Variants in DTNA observed in about 807,000 individuals in gnomAD.
DTNA encodes dystrobrevin alpha, also known as dystrophin-related protein 3.
In DTNA, 43 loss-of-function variants were observed where a neutral mutation model predicts 100.7. That is an observed-to-expected ratio of 0.43 (90% CI 0.33 to 0.55). The LOEUF (loss-of-function observed/expected upper bound fraction) is 0.55. Ranked by LOEUF, DTNA falls within the 20% of genes least tolerant of loss-of-function variation. The pLI is 0.04. For synonymous variants in DTNA, 349 were observed against 347.9 expected (o/e 1.00, Z -0.04); for missense variants, 798 against 953.9 (o/e 0.84, Z 2.15).
intron 21 of DTNA, among the ~76,000 whole-genome samples, chr18:34,882,743 A>C (rs138151191): frequency 3.3e-5 from 5 of 152,338 alleles, no homozygotes; most frequent in African/African-American, 1.2e-4. Flanking sequence ...ATATTGGAAA[A>C]AAACAAGGTA....
chr18:34,877,843 T>C (rs779132108), intron 19 of DTNA, 35 bp downstream of exon 19: 2 of 1,567,630 alleles, frequency 1.3e-6, no homozygotes, highest in South Asian at 2.2e-5. Context: ...TGTCTGCTCA[T>C]CATGGAGGGA....
At chr18:34,887,143 G>C (rs1200737053) in intron 22 of DTNA, among the ~76,000 whole-genome samples, 1 of 152,018 alleles carries the variant, frequency 6.6e-6, no homozygotes, top group Non-Finnish European at 1.5e-5. Context: ...AGAGCTTTAG[G>C]CTTATTTGAA....
At chr18:34,706,194 C>T (rs549938532), upstream of DTNA, among the ~76,000 whole-genome samples, 6 of 152,260 alleles carry the variant, frequency 3.9e-5, no homozygotes, top group East Asian at 5.8e-4. Context: ...GTGATCCACT[C>T]GCCTCGGCCT....
chr18:34,848,607 G>T (rs1311444185), intron 14 of DTNA, among the ~76,000 whole-genome samples: 1 of 152,102 alleles, frequency 6.6e-6, no homozygotes, highest in East Asian at 1.9e-4. Flanking sequence ...TGACCCTGGA[G>T]TCAAGCTGGA....
chr18:34,545,707 A>G (rs1365440854), intron 1 of DTNA, among the ~76,000 whole-genome samples: 3 of 152,106 alleles, frequency 2.0e-5, no homozygotes, highest in Non-Finnish European at 2.9e-5. Context: ...TCTTCTGCCC[A>G]ACTCTAAGAT....
At chr18:34,610,260 C>G (rs1233357865) in intron 1 of DTNA, among the ~76,000 whole-genome samples, 1 of 152,116 alleles carries the variant, frequency 6.6e-6, no homozygotes, top group Non-Finnish European at 1.5e-5. Flanking sequence ...ACCTGTGAGG[C>G]TGTGTTTATG....
chr18:34,500,024 T>C (rs533687546), intron 1 of DTNA, among the ~76,000 whole-genome samples: 6 of 152,294 alleles, frequency 3.9e-5, no homozygotes, highest in African/African-American at 1.4e-4. Context: ...TTCAAAATTG[T>C]TTTAGCTATT....
intron 1 of DTNA, among the ~76,000 whole-genome samples, chr18:34,607,640 ATGTT>A (rs1180892602): frequency 6.6e-6 from 1 of 152,162 alleles, no homozygotes; most frequent in Non-Finnish European, 1.5e-5. Flanking sequence ...ATGGGAGAAA[ATGTT>A]TGTTACTGTT....
At chr18:34,633,138 A>G (rs1322290156) in intron 1 of DTNA, among the ~76,000 whole-genome samples, 1 of 152,192 alleles carries the variant, frequency 6.6e-6, no homozygotes. Context: ...CTATTCTGAT[A>G]TCTGGATTAA....
chr18:34,786,502 A>G (rs1438999396), intron 3 of DTNA, among the ~76,000 whole-genome samples: 1 of 152,168 alleles, frequency 6.6e-6, no homozygotes, highest in Non-Finnish European at 1.5e-5. Context: ...GGATTCCTGC[A>G]TATATCTGCA....
At chr18:34,562,447 A>G (rs953781745) in intron 1 of DTNA, among the ~76,000 whole-genome samples, 1 of 152,198 alleles carries the variant, frequency 6.6e-6, no homozygotes, top group African/African-American at 2.4e-5. Context: ...CTATTCTTAG[A>G]CTTCGTCCTC....
chr18:34,575,111 T>TA (rs1169334625), intron 1 of DTNA, among the ~76,000 whole-genome samples: 1 of 152,214 alleles, frequency 6.6e-6, no homozygotes, highest in African/African-American at 2.4e-5. Flanking sequence ...TTCTTCTCTC[T>TA]TTCTAGAGTC....
intron 9 of DTNA, among the ~76,000 whole-genome samples, chr18:34,825,775 T>C (rs2095846037): frequency 6.6e-6 from 1 of 152,224 alleles, no homozygotes; most frequent in Admixed American, 6.5e-5. Flanking sequence ...ATCCACTTGT[T>C]TTCTCATTTT....
chr18:34,701,602 A>C (rs1404726648), intron 1 of DTNA, among the ~76,000 whole-genome samples: 1 of 152,162 alleles, frequency 6.6e-6, no homozygotes, highest in African/African-American at 2.4e-5. Flanking sequence ...GTTAATACAG[A>C]CACAGCCTAT....
chr18:34,617,176 A>C (rs909804039), intron 1 of DTNA, among the ~76,000 whole-genome samples: 6 of 151,998 alleles, frequency 3.9e-5, no homozygotes, highest in Non-Finnish European at 7.4e-5. Flanking sequence ...GTGTGGTAAG[A>C]GTGGGCATCC....
At chr18:34,772,495 A>G (rs2093827305) in intron 3 of DTNA, among the ~76,000 whole-genome samples, 1 of 152,198 alleles carries the variant, frequency 6.6e-6, no homozygotes, top group South Asian at 2.1e-4. Context: ...TATTCTATGA[A>G]TGAACGAATA....
At chr18:34,647,320 C>G (rs2059960435) in intron 1 of DTNA, among the ~76,000 whole-genome samples, 1 of 152,122 alleles carries the variant, frequency 6.6e-6, no homozygotes, top group Non-Finnish European at 1.5e-5. Flanking sequence ...TGTGATGATT[C>G]ACAGAACCAG....
intron 3 of DTNA, among the ~76,000 whole-genome samples, chr18:34,787,820 T>C (rs945426516): frequency 2.6e-5 from 4 of 152,242 alleles, no homozygotes; most frequent in African/African-American, 7.2e-5. Flanking sequence ...AAGCTTTGTC[T>C]ATTTCCATTT....
Position 34,785,247 on chromosome 18 carries a change from T to C in DTNA, c.149-8790T>C, listed in dbSNP as rs543098579. ...TTGATTTGAAATTGAACTAAACTCG[T>C]AATCACTGTGATACAGTCTCTCATG... is the stretch of plus-strand genomic sequence containing the variant. On this transcript the variant is annotated intron_variant, in intron 3 of 22. Coordinates refer to ENST00000444659, the MANE Select transcript of DTNA (RefSeq NM_001386795.1). Among the ~76,000 whole-genome samples the C allele has an allele frequency of 1.2e-3, 185 of 152,226 alleles. 1 individual carries two copies. Among genetic ancestry groups the C allele is most frequent in the African/African-American group, 4.3e-3 (180 of 41,540 alleles).
Sources: gnomAD v4.1 joint callset for allele counts (sites outside exome capture counted in the v4.1 genomes callset) on GRCh38, gnomAD v4.1.1 for gene constraint, MANE v1.5 for transcripts, NCBI Gene and HGNC (gene_info 2026-07-23, HGNC 2026-07-21) for gene names.